Variants in KIFAP3 observed in about 807,000 individuals in gnomAD.
KIFAP3 encodes kinesin associated protein 3.
In KIFAP3, 68 loss-of-function variants were observed where a neutral mutation model predicts 106.5. The observed-to-expected ratio is 0.64, with a 90% CI of 0.53 to 0.78. The LOEUF (loss-of-function observed/expected upper bound fraction) is 0.78. Among genes scored for constraint, KIFAP3 ranks in the 30% least tolerant of loss-of-function variants. KIFAP3 has a pLI of 0.00. For synonymous variants in KIFAP3, 320 were observed against 311.5 expected, an observed-to-expected ratio of 1.03 and a Z score of -0.29; for missense variants, 780 against 941.8, an observed-to-expected ratio of 0.83 and a Z score of 2.25.
At chr1:170,065,482 C>T (rs1397948639) in intron 1 of KIFAP3, among the ~76,000 whole-genome samples, 3 of 151,446 alleles carry the variant, frequency 2.0e-5, no homozygotes, top group African/African-American at 4.9e-5. Context: ...GGCATGGTGG[C>T]GGGCACCTGT....
chr1:169,951,998 A>G (rs1033093207), intron 19 of KIFAP3, among the ~76,000 whole-genome samples: 1 of 151,984 alleles, frequency 6.6e-6, no homozygotes, highest in African/African-American at 2.4e-5. Flanking sequence ...GTCACCTGAT[A>G]GAGTACAGTA....
At chr1:170,049,043 T>C (rs1248673653) in intron 2 of KIFAP3, among the ~76,000 whole-genome samples, 1 of 152,188 alleles carries the variant, frequency 6.6e-6, no homozygotes, top group Non-Finnish European at 1.5e-5. Flanking sequence ...TGAGTCCCAC[T>C]CTTATGGAGC....
chr1:169,957,388 G>A (rs535815031), intron 18 of KIFAP3, among the ~76,000 whole-genome samples: 9 of 152,098 alleles, frequency 5.9e-5, no homozygotes, highest in African/African-American at 2.2e-4. Flanking sequence ...TTTCTGAGAT[G>A]CCCCAAGTAA....
rs767323159 is a variant in KIFAP3, at chr1:169,978,202, T to C, written c.1799-19A>G. On this transcript the variant is annotated intron_variant, in intron 15 of 19. Transcript: ENST00000361580. ...TGTTGAGCTGTAAATAAACAAAAAA[T>C]TCAAATAAAGAATACTATGTTTATA... is the stretch of plus-strand genomic sequence containing the variant. 2.7e-6 allele frequency: 4 copies of C among 1,506,264 alleles called. No homozygotes were observed. The highest frequency in any genetic ancestry group is 3.7e-6 in the Non-Finnish European group (4 of 1,083,996). The allele number at this position is 1,506,264 out of a possible 1,614,324, so 93.3% of individuals were successfully genotyped here.
At chr1:170,082,631 T>C (rs1237527927) in intron 1 of KIFAP3, among the ~76,000 whole-genome samples, 1 of 152,158 alleles carries the variant, frequency 6.6e-6, no homozygotes, top group East Asian at 1.9e-4. Context: ...AAAGATATAA[T>C]GAGCAAGGAA....
chr1:169,982,862 A>G lies in KIFAP3; in HGVS notation c.1512T>C (p.Tyr504=), dbSNP rs1666603389. 11 of 1,415,770 alleles carry G rather than the reference A, an allele frequency of 7.8e-6. No individual in the cohort carries two copies. The African/African-American group carries it at 8.8e-5, about 11-fold the overall frequency. 87.7% of individuals were successfully genotyped at this position (1,415,770 alleles called of 1,614,324 possible). A position where few individuals can be genotyped will look rare whatever the true frequency, so the allele number is the denominator to read the frequency against. Residue 504 remains tyrosine, a synonymous_variant, in exon 14 of 20, where the codon TAT becomes TAC. Transcript: ENST00000361580. Reference sequence around the variant, plus strand: ...AGATCTGGGCTGCAAGGTCCCCAACATAATCCTGAATAAAACATAATTTTA... The same window carrying G: ...AGATCTGGGCTGCAAGGTCCCCAACGTAATCCTGAATAAAACATAATTTTA... ...DGPTKNLFID[Y]VGDLAAQISN... is the part of the protein sequence containing the mutation.
chr1:170,084,293 G>A (rs1244055568), intron 1 of KIFAP3, among the ~76,000 whole-genome samples: 1 of 152,146 alleles, frequency 6.6e-6, no homozygotes, highest in Non-Finnish European at 1.5e-5. Flanking sequence ...TACTTTATGT[G>A]CATTATTTGT....
intron 17 of KIFAP3, among the ~76,000 whole-genome samples, chr1:169,971,796 C>A (rs10919276): frequency 0.018 from 2,709 of 152,042 alleles, 78 homozygotes; most frequent in African/African-American, 0.062. Context: ...TGAGCCAAAT[C>A]CAGTTAGAAA....
At chr1:170,019,329 T>C (rs374990367) in intron 9 of KIFAP3, among the ~76,000 whole-genome samples, 2 of 152,128 alleles carry the variant, frequency 1.3e-5, no homozygotes, top group South Asian at 2.1e-4. Context: ...CAGTTCATTA[T>C]AGAGGACACA....
At chr1:170,078,860 C>T (rs1455065902), upstream of KIFAP3, among the ~76,000 whole-genome samples, 2 of 152,112 alleles carry the variant, frequency 1.3e-5, no homozygotes, top group Non-Finnish European at 2.9e-5. Flanking sequence ...AAAATAAGAG[C>T]TACAAATATC....
At chr1:170,017,511 C>T (rs10800494) in intron 9 of KIFAP3, among the ~76,000 whole-genome samples, 21,718 of 151,888 alleles carry the variant, frequency 0.14, 1,971 homozygotes, top group Middle Eastern at 0.21. Context: ...AATAAAAGAG[C>T]CTGTTAGGGA....
intron 2 of KIFAP3, among the ~76,000 whole-genome samples, chr1:170,049,760 C>A (rs1670475675): frequency 6.6e-6 from 1 of 151,380 alleles, no homozygotes; most frequent in Non-Finnish European, 1.5e-5. Flanking sequence ...GCTGTTGATA[C>A]AAAAACTAAC....
intron 2 of KIFAP3, among the ~76,000 whole-genome samples, chr1:170,050,273 C>T (rs1271615104): frequency 1.3e-5 from 2 of 151,832 alleles, no homozygotes; most frequent in African/African-American, 2.4e-5. Context: ...TGAAATAAGG[C>T]GTGAAGACAA....
At chr1:170,016,388 T>C in intron 10 of KIFAP3, 74 bp downstream of exon 10, 1 of 1,221,578 alleles carries the variant, frequency 8.2e-7, no homozygotes, top group Non-Finnish European at 1.2e-6. Context: ...AGGAGGCTTT[T>C]CAACACAGAG....
At chr1:169,984,741 C>A (rs1666725527) in intron 11 of KIFAP3, 51 bp from the exon 12 acceptor site, 1 of 927,746 alleles carries the variant, frequency 1.1e-6, no homozygotes, top group Non-Finnish European at 1.7e-6. Flanking sequence ...GACAAAAAAC[C>A]AAACACAGAA....
chr1:170,062,000 C>A (rs893383851), intron 1 of KIFAP3, among the ~76,000 whole-genome samples: 1 of 151,956 alleles, frequency 6.6e-6, no homozygotes, highest in African/African-American at 2.4e-5. Context: ...ACATCACACA[C>A]TGGGGCCTGT....
intron 15 of KIFAP3, among the ~76,000 whole-genome samples, chr1:169,978,842 C>A (rs1209114889): frequency 1.3e-5 from 2 of 152,024 alleles, no homozygotes; most frequent in African/African-American, 4.8e-5. Flanking sequence ...AACAGAGTAT[C>A]AAACCAGTTG....
At chr1:170,072,058 G>A (rs553213365) in intron 1 of KIFAP3, among the ~76,000 whole-genome samples, 6 of 152,316 alleles carry the variant, frequency 3.9e-5, no homozygotes, top group South Asian at 4.1e-4. Flanking sequence ...TACCAAATAT[G>A]TTTTATCACT....
At chr1:170,040,612 A>G (rs1203063415) in intron 3 of KIFAP3, among the ~76,000 whole-genome samples, 1 of 152,222 alleles carries the variant, frequency 6.6e-6, no homozygotes, top group Admixed American at 6.5e-5. Context: ...TACAATAAGT[A>G]GACGCAGATC....
Sources: allele counts gnomAD v4.1 joint callset (sites outside exome capture counted in the v4.1 genomes callset), GRCh38; gene constraint gnomAD v4.1.1; transcripts MANE v1.5; gene names NCBI Gene and HGNC (gene_info 2026-07-23, HGNC 2026-07-21).